Variants in KCNAB1 observed in about 807,000 individuals in gnomAD.
KCNAB1 encodes potassium voltage-gated channel subfamily A regulatory beta subunit 1.
In KCNAB1, 35 loss-of-function variants were observed where a neutral mutation model predicts 64.6. The ratio of observed to expected loss-of-function variants is 0.54; its 90% CI spans 0.41 to 0.72. The LOEUF (loss-of-function observed/expected upper bound fraction) is 0.72, where lower values mean the gene tolerates loss of function less well. Ranked by LOEUF, KCNAB1 falls within the 30% of genes least tolerant of loss-of-function variation. The pLI, the probability that KCNAB1 is intolerant of heterozygous loss-of-function variation, is 0.00. For missense variants in KCNAB1, 401 were observed against 512.9 expected, an observed-to-expected ratio of 0.78 and a Z score of 2.11; for synonymous variants, 177 against 183.8, an observed-to-expected ratio of 0.96 and a Z score of 0.30.
At chr3:156,459,216 G>A (rs1395440287) in intron 4 of KCNAB1, among the ~76,000 whole-genome samples, 1 of 152,168 alleles carries the variant, frequency 6.6e-6, no homozygotes, top group Admixed American at 6.5e-5. Context: ...GAAGAGGAGA[G>A]GATGGTGGAT....
chr3:156,186,116 C>A (rs1713172809), intron 1 of KCNAB1, among the ~76,000 whole-genome samples: 1 of 152,212 alleles, frequency 6.6e-6, no homozygotes, highest in Non-Finnish European at 1.5e-5. Flanking sequence ...CAATGACCAG[C>A]CTTGCTGGGG....
chr3:156,219,798 A>G (rs980204351), intron 1 of KCNAB1, among the ~76,000 whole-genome samples: 3 of 151,784 alleles, frequency 2.0e-5, no homozygotes, highest in South Asian at 2.1e-4. Flanking sequence ...AACCTGTGCC[A>G]TGGTGGTTTG....
At chr3:156,460,910 G>T (rs888553083) in intron 5 of KCNAB1, among the ~76,000 whole-genome samples, 3 of 152,170 alleles carry the variant, frequency 2.0e-5, no homozygotes, top group African/African-American at 4.8e-5. Flanking sequence ...CTTTTGGTAG[G>T]AATAGAGGGC....
At chr3:156,379,354 C>T (rs1205694896) in intron 1 of KCNAB1, among the ~76,000 whole-genome samples, 1 of 152,228 alleles carries the variant, frequency 6.6e-6, no homozygotes, top group East Asian at 1.9e-4. Flanking sequence ...ATGAGGAAAT[C>T]ATGTACTATG....
At chr3:156,187,195 C>T (rs1445669563) in intron 1 of KCNAB1, among the ~76,000 whole-genome samples, 2 of 152,152 alleles carry the variant, frequency 1.3e-5, no homozygotes, top group African/African-American at 4.8e-5. Flanking sequence ...AGTTCTCTTT[C>T]ATCACTAACC....
At chr3:156,219,371 G>T (rs541313678) in intron 1 of KCNAB1, among the ~76,000 whole-genome samples, 1 of 152,010 alleles carries the variant, frequency 6.6e-6, no homozygotes, top group African/African-American at 2.4e-5. Flanking sequence ...TTCAGAGCTT[G>T]AAGACTAGGT....
intron 1 of KCNAB1, among the ~76,000 whole-genome samples, chr3:156,357,058 A>G (rs931389083): frequency 6.6e-6 from 1 of 152,118 alleles, no homozygotes; most frequent in African/African-American, 2.4e-5. Context: ...CAAACTCTCT[A>G]TGGCCAAAGT....
At chr3:156,409,212 C>G (rs1050110684) in intron 1 of KCNAB1, among the ~76,000 whole-genome samples, 1 of 152,216 alleles carries the variant, frequency 6.6e-6, no homozygotes, top group African/African-American at 2.4e-5. Flanking sequence ...CTATGAAATT[C>G]TGTCATCTAA....
At chr3:156,206,476 T>G (rs2108386924) in intron 1 of KCNAB1, among the ~76,000 whole-genome samples, 1 of 152,228 alleles carries the variant, frequency 6.6e-6, no homozygotes, top group Middle Eastern at 3.4e-3. Flanking sequence ...ACAAGCACTT[T>G]AAGGAGGAAG....
At chr3:156,532,015 G>C (rs113143070) in intron 13 of KCNAB1, among the ~76,000 whole-genome samples, 1 of 152,124 alleles carries the variant, frequency 6.6e-6, no homozygotes, top group African/African-American at 2.4e-5. Context: ...CTTTTCCACG[G>C]TTTTCCAGTT....
chr3:156,182,938 T>G (rs1362916392), intron 1 of KCNAB1, among the ~76,000 whole-genome samples: 1 of 152,092 alleles, frequency 6.6e-6, no homozygotes, highest in Non-Finnish European at 1.5e-5. Context: ...GACCTCATGA[T>G]TCGCCTGCCT....
intron 1 of KCNAB1, among the ~76,000 whole-genome samples, chr3:156,333,576 C>G (rs1325614598): frequency 6.6e-6 from 1 of 152,188 alleles, no homozygotes; most frequent in African/African-American, 2.4e-5. Flanking sequence ...TCTGCACACA[C>G]ACACAATAGT....
chr3:156,483,599 A>G (rs1559909101), intron 8 of KCNAB1, among the ~76,000 whole-genome samples: 1 of 152,068 alleles, frequency 6.6e-6, no homozygotes, highest in Non-Finnish European at 1.5e-5. Context: ...AGCTACTTGC[A>G]TCTCCACCCA....
At chr3:156,367,757 A>G (rs1726040012) in intron 1 of KCNAB1, among the ~76,000 whole-genome samples, 1 of 152,234 alleles carries the variant, frequency 6.6e-6, no homozygotes, top group African/African-American at 2.4e-5. Flanking sequence ...TGCTGCAGGC[A>G]AATAAGCCAG....
intron 2 of KCNAB1, among the ~76,000 whole-genome samples, chr3:156,447,990 C>A (rs13324766): frequency 0.26 from 39,631 of 151,942 alleles, 10,612 homozygotes; most frequent in African/African-American, 0.69. Context: ...AATCACCAAA[C>A]GATAATGAGG....
chr3:156,419,777 C>T (rs1477843089), intron 1 of KCNAB1, among the ~76,000 whole-genome samples: 1 of 152,164 alleles, frequency 6.6e-6, no homozygotes, highest in Non-Finnish European at 1.5e-5. Context: ...TTCTGTGTCC[C>T]TCAGTGGACT....
upstream of KCNAB1, among the ~76,000 whole-genome samples, chr3:156,119,510 A>G (rs1713225330): frequency 6.6e-6 from 1 of 152,108 alleles, no homozygotes; most frequent in South Asian, 2.1e-4. Context: ...AGGACTTGCT[A>G]TAACTCTACA....
At chr3:156,411,852 G>A (rs1714687908) in intron 1 of KCNAB1, among the ~76,000 whole-genome samples, 1 of 152,012 alleles carries the variant, frequency 6.6e-6, no homozygotes, top group Non-Finnish European at 1.5e-5. Flanking sequence ...ACATTGTTTT[G>A]AATATCTGAG....
At chr3:156,181,170 T>C (rs1304505586) in intron 1 of KCNAB1, among the ~76,000 whole-genome samples, 4 of 152,180 alleles carry the variant, frequency 2.6e-5, no homozygotes, top group African/African-American at 9.7e-5. Flanking sequence ...TATTTCCAAA[T>C]ACAAGCACAT....
Sources: gnomAD v4.1 joint callset for allele counts (sites outside exome capture counted in the v4.1 genomes callset) on GRCh38, gnomAD v4.1.1 for gene constraint, MANE v1.5 for transcripts, NCBI Gene and HGNC (gene_info 2026-07-23, HGNC 2026-07-21) for gene names.